The following MED12L variants were observed in gnomAD, a reference collection of about 807,000 sequenced individuals.
MED12L encodes the protein mediator complex subunit 12L.
Under a neutral mutation model 281.3 loss-of-function variants are expected in MED12L, and 60 were observed. That is an observed-to-expected ratio of 0.21 (90% CI 0.17 to 0.26). The LOEUF (loss-of-function observed/expected upper bound fraction) is 0.26. Ranked by LOEUF, MED12L falls within the 10% of genes least tolerant of loss-of-function variation. The pLI, the probability that MED12L is intolerant of heterozygous loss-of-function variation, is 1.00. For synonymous variants in MED12L, 974 were observed against 987.2 expected (o/e 0.99, Z 0.25); for missense variants, 2,146 against 2,680.9 (o/e 0.80, Z 4.41).
At chr3:151,395,166 G>A (rs1560121556) in intron 39 of MED12L, among the ~76,000 whole-genome samples, 1 of 152,150 alleles carries the variant, frequency 6.6e-6, no homozygotes, top group Non-Finnish European at 1.5e-5. Context: ...TCCTTGAGGT[G>A]ACCTTCTCTG....
chr3:151,387,619 G>T (rs16863355), intron 36 of MED12L, among the ~76,000 whole-genome samples, 191 bp from the exon 37 acceptor site: 2,755 of 152,146 alleles, frequency 0.018, 80 homozygotes, highest in African/African-American at 0.063. Flanking sequence ...TGTAGAACCG[G>T]GCTTACAAAG....
At chr3:151,257,794 C>A (rs1577148032) in intron 16 of MED12L, among the ~76,000 whole-genome samples, 1 of 152,102 alleles carries the variant, frequency 6.6e-6, no homozygotes, top group Non-Finnish European at 1.5e-5. Flanking sequence ...ACATTTTAGA[C>A]CACCTTTTGT....
At chr3:151,114,665 A>C (rs572867374) in intron 2 of MED12L, among the ~76,000 whole-genome samples, 1 of 152,084 alleles carries the variant, frequency 6.6e-6, no homozygotes, top group African/African-American at 2.4e-5. Context: ...TCATTTACTC[A>C]AATCTCTCCC....
chr3:151,340,436 CTAAT>C (rs767343983), intron 16 of MED12L, among the ~76,000 whole-genome samples: 6 of 152,110 alleles, frequency 3.9e-5, no homozygotes, highest in Admixed American at 2.0e-4. Context: ...TCTGACATCA[CTAAT>C]TAGACTTCTA....
At chr3:151,122,441 G>A (rs540301161) in intron 3 of MED12L, among the ~76,000 whole-genome samples, 7 of 152,326 alleles carry the variant, frequency 4.6e-5, no homozygotes, top group African/African-American at 9.6e-5. Flanking sequence ...TGACGGGTGC[G>A]TAGTATTAGA....
intron 16 of MED12L, among the ~76,000 whole-genome samples, chr3:151,270,802 G>A (rs1004090736): frequency 3.3e-5 from 5 of 152,224 alleles, no homozygotes; most frequent in African/African-American, 1.2e-4. Flanking sequence ...GTTCTCTCCA[G>A]TGATGACTCT....
intron 16 of MED12L, chr3:151,270,087 T>A (rs1213047776): frequency 9.1e-6 from 2 of 219,450 alleles, no homozygotes; most frequent in East Asian, 1.5e-4. Flanking sequence ...AAGATGAAGA[T>A]GATGATGAAA....
intron 2 of MED12L, among the ~76,000 whole-genome samples, chr3:151,091,478 C>A (rs555865355): frequency 1.4e-4 from 22 of 152,290 alleles, no homozygotes; most frequent in African/African-American, 5.1e-4. Flanking sequence ...ACTTCGAGAA[C>A]CCTCACCTAA....
At chr3:151,191,024 G>T in intron 14 of MED12L, 93 bp downstream of exon 14, 2 of 1,113,270 alleles carry the variant, frequency 1.8e-6, no homozygotes, top group South Asian at 1.5e-5. Flanking sequence ...GAAGAGTGAT[G>T]GCTTTTTGTT....
chr3:151,123,028 G>A (rs907877386), intron 4 of MED12L, 54 bp downstream of exon 4: 1 of 1,373,676 alleles, frequency 7.3e-7, no homozygotes. Context: ...CAGCTGTTTG[G>A]GATAATATTC....
chr3:151,313,722 T>C (rs1203856365), intron 16 of MED12L, among the ~76,000 whole-genome samples: 1 of 152,114 alleles, frequency 6.6e-6, no homozygotes, highest in Non-Finnish European at 1.5e-5. Flanking sequence ...TGGGCGCCTA[T>C]AATCCCAGCC....
At chr3:151,205,302 A>G (rs1726188552) in intron 16 of MED12L, among the ~76,000 whole-genome samples, 1 of 152,196 alleles carries the variant, frequency 6.6e-6, no homozygotes, top group South Asian at 2.1e-4. Flanking sequence ...TAAAGAAATA[A>G]TCTATTCATT....
chr3:151,334,188 C>CTTTATTTTTTT (rs1225344552), intron 16 of MED12L, among the ~76,000 whole-genome samples: 2 of 30,314 alleles, frequency 6.6e-5, no homozygotes, highest in African/African-American at 2.1e-4. Context: ...TTTTTTCTTT[C>CTTTATTTTTTT]TTTCTTTCTT....
chr3:151,186,692 C>T lies in MED12L; in HGVS notation c.1626+1231C>T, dbSNP rs541841248. On this transcript the variant is annotated intron_variant, in intron 12 of 44. Transcript: ENST00000687756. ...TCAACATGTGGCACCTGGGGAAGGT[C>T]TTCCATCACCACGTGATCAAAGTTA... Among the ~76,000 whole-genome samples, 4 of 152,326 alleles carry T rather than the reference C, an allele frequency of 2.6e-5. No homozygotes were observed. In the East Asian group the frequency reaches 5.8e-4, roughly 22 times the overall value.
At chr3:151,130,724 C>T (rs1158682600) in intron 5 of MED12L, among the ~76,000 whole-genome samples, 1 of 152,242 alleles carries the variant, frequency 6.6e-6, no homozygotes. Flanking sequence ...ACTGTGGTCT[C>T]TGCCCAGACG....
At chr3:151,089,127 A>G (rs939291141) in intron 2 of MED12L, among the ~76,000 whole-genome samples, 5 of 152,216 alleles carry the variant, frequency 3.3e-5, no homozygotes, top group Non-Finnish European at 7.3e-5. Context: ...ATTTTTTAAG[A>G]AACTTTGTGT....
intron 11 of MED12L, among the ~76,000 whole-genome samples, chr3:151,169,368 G>A (rs529112975): frequency 7.0e-4 from 106 of 152,136 alleles, no homozygotes; most frequent in Admixed American, 1.6e-3. Flanking sequence ...TGATCCACCC[G>A]CCTTGGCCTC....
At chr3:151,403,865 T>C (rs1438121212) in intron 39 of MED12L, among the ~76,000 whole-genome samples, 1 of 152,240 alleles carries the variant, frequency 6.6e-6, no homozygotes, top group Non-Finnish European at 1.5e-5. Flanking sequence ...TTTTCTCCAA[T>C]AGTTATTTCA....
intron 3 of MED12L, among the ~76,000 whole-genome samples, chr3:151,120,028 G>T (rs1475549486): frequency 6.6e-6 from 1 of 150,446 alleles, no homozygotes; most frequent in Non-Finnish European, 1.5e-5. Context: ...AGACCAGCCT[G>T]GCCAACACGG....
Sources: gnomAD v4.1 joint callset for allele counts (sites outside exome capture counted in the v4.1 genomes callset) on GRCh38, gnomAD v4.1.1 for gene constraint, MANE v1.5 for transcripts, NCBI Gene and HGNC (gene_info 2026-07-23, HGNC 2026-07-21) for gene names.